Variants in RAPGEF1 observed in about 807,000 individuals in gnomAD.
RAPGEF1 encodes CRK SH3-binding GNRP.
RAPGEF1 carries 33 observed loss-of-function variants against 143.3 expected under a neutral mutation model. That is an observed-to-expected ratio of 0.23 (90% confidence interval 0.17 to 0.31). The LOEUF is 0.31. RAPGEF1 is among the 10% of genes least tolerant of loss of function. The pLI is 1.00. For synonymous variants in RAPGEF1, 629 were observed against 676.5 expected (o/e 0.93, Z 1.09); for missense variants, 1,199 against 1,645.4 (o/e 0.73, Z 4.69).
At chr9:131,695,718 A>C (rs1340874632) in intron 1 of RAPGEF1, among the ~76,000 whole-genome samples, 5 of 152,282 alleles carry the variant, frequency 3.3e-5, no homozygotes, top group Admixed American at 2.0e-4. Flanking sequence ...CTGAATGGTA[A>C]ATGTTCTCTC....
chr9:131,598,348 C>T (rs540660446), intron 15 of RAPGEF1, 38 bp from the exon 16 acceptor site: 18 of 1,566,268 alleles, frequency 1.1e-5, no homozygotes, highest in Admixed American at 7.0e-5. Context: ...AGTGTCAAAC[C>T]GGCTCAGCTC....
Position 131,650,941 on chromosome 9 carries a change from G to A in RAPGEF1, c.70C>T (p.Arg24Cys). The change falls in exon 2 of 27, where the codon CGT becomes TGT. Residue 24 changes from arginine to cysteine, a missense_variant. Arg to Cys is a radical substitution (Grantham distance 180). This residue lies in a region of RAPGEF1 where 613 missense variants were observed against 710.9 expected (regional missense o/e 0.86). Transcript: ENST00000683357. This position sits in a 1 kb window ranked among gnomAD's most constrained non-coding sequence, Gnocchi z 4.7. ...SGKIEKADSQ[R>C]SHLSSFTMKL... ...ATGGTGAAGGAAGAGAGATGAGAACGCTGAGAGTCTGAAAACAAAGAGGGT... is the reference window on the plus strand; with the variant it reads ...ATGGTGAAGGAAGAGAGATGAGAACACTGAGAGTCTGAAAACAAAGAGGGT... 3 of 1,613,730 alleles carry A rather than the reference G, an allele frequency of 1.9e-6. No homozygotes were observed. The highest frequency in any genetic ancestry group is 2.5e-6 in the Non-Finnish European group (3 of 1,179,776).
chr9:131,668,895 GT>G lies in RAPGEF1; in HGVS notation c.62-17947del, dbSNP rs1830883202. On this transcript the variant is annotated intron_variant, in intron 1 of 26. Coordinates refer to ENST00000683357, the MANE Select transcript of RAPGEF1 (RefSeq NM_001377935.1). ...CGGCCTTTGTCTTTTAGGTGGAGTT[GT>G]TTGGGGCAGCCTCCGTGGCTCAGAG... Among the ~76,000 whole-genome samples, 2 of 152,262 alleles carry G rather than the reference GT, an allele frequency of 1.3e-5. 1 individual carries two copies. The highest frequency in any genetic ancestry group is 4.1e-4 in the South Asian group (2 of 4,834).
intron 7 of RAPGEF1, 38 bp downstream of exon 7, chr9:131,629,064 T>C: frequency 6.3e-7 from 1 of 1,590,898 alleles, no homozygotes; most frequent in Non-Finnish European, 8.6e-7. Flanking sequence ...TTTCTCATTC[T>C]GCCATGGGAG....
chr9:131,605,090 A>G lies in RAPGEF1; in HGVS notation c.2160T>C (p.His720=), dbSNP rs574219029. ...TCTGAGACTGGTGGGCAGGTGGGAAATGTGGAGAGGAAGAGGAGGTAGGCG... is the reference window on the plus strand; with the variant it reads ...TCTGAGACTGGTGGGCAGGTGGGAAGTGTGGAGAGGAAGAGGAGGTAGGCG... ...FLPPTSSSSP[H]FPPAHQSQSS... is the part of the protein sequence containing the mutation. Residue 720 remains histidine, a synonymous_variant, in exon 13 of 27, where the codon CAT becomes CAC. Coordinates refer to ENST00000683357, the MANE Select transcript of RAPGEF1 (RefSeq NM_001377935.1). 1.5e-6 allele frequency: 2 copies of G among 1,365,246 alleles called. No homozygotes were observed. The highest frequency in any genetic ancestry group is 2.1e-4 in the Middle Eastern group (1 of 4,790). The allele number at this position is 1,365,246 out of a possible 1,614,324, so 84.6% of individuals were successfully genotyped here.
chr9:131,640,540 G>A (rs1967618871), intron 4 of RAPGEF1, among the ~76,000 whole-genome samples: 2 of 152,222 alleles, frequency 1.3e-5, no homozygotes, highest in Non-Finnish European at 2.9e-5. Context: ...AATGCCATCT[G>A]AGGCCCAGCT....
intron 1 of RAPGEF1, among the ~76,000 whole-genome samples, chr9:131,677,088 C>A (rs1162866388): frequency 6.6e-6 from 1 of 152,204 alleles, no homozygotes; most frequent in Non-Finnish European, 1.5e-5. Flanking sequence ...TTCATTTACC[C>A]CAAACAAATA....
intron 5 of RAPGEF1, among the ~76,000 whole-genome samples, chr9:131,635,026 G>A (rs146915718): frequency 6.6e-6 from 1 of 152,214 alleles, no homozygotes; most frequent in East Asian, 1.9e-4. Context: ...GGCTCCCGGT[G>A]GAAAAGCAGC....
chr9:131,649,188 A>G (rs2133412663), intron 3 of RAPGEF1, among the ~76,000 whole-genome samples: 1 of 128,958 alleles, frequency 7.8e-6, no homozygotes, highest in East Asian at 2.3e-4. Flanking sequence ...GCCTGCCACT[A>G]TGCCTGGCTA....
chr9:131,635,415 A>G (rs1372341836), intron 5 of RAPGEF1, among the ~76,000 whole-genome samples: 3 of 144,492 alleles, frequency 2.1e-5, no homozygotes, highest in Non-Finnish European at 4.6e-5. Flanking sequence ...CAATCATTTG[A>G]AAAAAAAAAA....
rs566466935 is a variant in RAPGEF1 at position 131,686,283 on chromosome 9, T to C, written c.62-35334A>G. Among the ~76,000 whole-genome samples the C allele has an allele frequency of 5.2e-4, 79 of 152,330 alleles. No individual in the cohort carries two copies. In the South Asian group the frequency reaches 0.011, roughly 22 times the overall value. On this transcript the variant is annotated intron_variant, in intron 1 of 26. Coordinates refer to ENST00000683357, the MANE Select transcript of RAPGEF1 (RefSeq NM_001377935.1). ...ATGGCTGTGTTCCAACAAAACTTTA[T>C]TTATAAAAACAGACCGCCAACTGGA...
chr9:131,590,436 C>T (rs1954018501), intron 18 of RAPGEF1, among the ~76,000 whole-genome samples: 1 of 152,216 alleles, frequency 6.6e-6, no homozygotes, highest in African/African-American at 2.4e-5. Flanking sequence ...GGCTGCCTCC[C>T]TGGGCTCTGC....
chr9:131,697,032 A>G (rs1241528234), intron 1 of RAPGEF1, among the ~76,000 whole-genome samples: 1 of 152,242 alleles, frequency 6.6e-6, no homozygotes, highest in African/African-American at 2.4e-5. Context: ...TTTCCCCTGG[A>G]TTACACTGAT....
intron 1 of RAPGEF1, among the ~76,000 whole-genome samples, chr9:131,726,054 C>T (rs980573003): frequency 9.2e-5 from 14 of 151,978 alleles, no homozygotes; most frequent in Admixed American, 3.9e-4. Context: ...CCACTGCACC[C>T]GGCCAAAATT....
rs148936924 is a variant in RAPGEF1 at position 131,635,427 on chromosome 9, A to G, written c.651+3208T>C. 2.6e-5 allele frequency among the ~76,000 whole-genome samples: 4 copies of G among 151,870 alleles called. No homozygotes were observed. In the East Asian group the frequency reaches 5.8e-4, roughly 22 times the overall value. ...GTTCAATCATTTGAAAAAAAAAAAAAGAGGAAAGACTCCCTTGAACAACTG... is the reference window on the plus strand; with the variant it reads ...GTTCAATCATTTGAAAAAAAAAAAAGGAGGAAAGACTCCCTTGAACAACTG... On this transcript the variant is annotated intron_variant, in intron 5 of 26. Coordinates refer to ENST00000683357, the MANE Select transcript of RAPGEF1 (RefSeq NM_001377935.1).
intron 1 of RAPGEF1, among the ~76,000 whole-genome samples, chr9:131,722,309 C>T (rs1836322888): frequency 6.6e-6 from 1 of 152,186 alleles, no homozygotes; most frequent in African/African-American, 2.4e-5. Context: ...CCTAGATCGT[C>T]CTCTCTTTTC....
In RAPGEF1 at chr9:131,641,647, T is replaced by C. The variant is rs956500324; in HGVS notation, c.494+1592A>G. ...ACATGAGACTAGGTCCACAAAAACATGTTCTAAGAGGGAATCCATACATCT... is the reference window on the plus strand; with the variant it reads ...ACATGAGACTAGGTCCACAAAAACACGTTCTAAGAGGGAATCCATACATCT... On this transcript the variant is annotated intron_variant, in intron 4 of 26. Coordinates refer to ENST00000683357, the MANE Select transcript of RAPGEF1 (RefSeq NM_001377935.1). This position sits in a 1 kb window ranked among gnomAD's most constrained non-coding sequence, Gnocchi z 4.6. Among the ~76,000 whole-genome samples, 5 of 152,218 alleles carry C rather than the reference T, an allele frequency of 3.3e-5. No homozygotes were observed. Among genetic ancestry groups the C allele is most frequent in the Admixed American group, 6.5e-5 (1 of 15,286 alleles).
In RAPGEF1 at chr9:131,712,314, T is replaced by C. The variant is rs1835566145; in HGVS notation, c.61+27456A>G. On this transcript the variant is annotated intron_variant, in intron 1 of 26. Transcript: ENST00000683357. ...AGGTGCTTAATAACTCTCTGTTGAA[T>C]AAATGAGTGGATAGGTGACAGAATA... Among the ~76,000 whole-genome samples, 3 of 152,306 alleles carry C rather than the reference T, an allele frequency of 2.0e-5. 1 individual carries two copies. Among genetic ancestry groups the C allele is most frequent in the South Asian group, 4.1e-4 (2 of 4,826 alleles).
At chr9:131,605,860 G>A (rs1044214511) in intron 12 of RAPGEF1, among the ~76,000 whole-genome samples, 3 of 151,576 alleles carry the variant, frequency 2.0e-5, no homozygotes, top group Non-Finnish European at 2.9e-5. Context: ...GATTGCTTGA[G>A]CCCAGGAGTT....
Sources: allele counts gnomAD v4.1 joint callset (sites outside exome capture counted in the v4.1 genomes callset), GRCh38; gene constraint gnomAD v4.1.1; regional missense constraint gnomAD v4.1.1; non-coding constraint Gnocchi (gnomAD v3.1); transcripts MANE v1.5; gene names NCBI Gene and HGNC (gene_info 2026-07-23, HGNC 2026-07-21).